The following LRRC3C variants were observed in gnomAD, a reference collection of about 807,000 sequenced individuals.
The protein encoded by LRRC3C is leucine-rich repeat-containing protein 3C.
LRRC3C carries 11 observed loss-of-function variants against 14.8 expected under a neutral mutation model. The observed-to-expected ratio is 0.74, with a 90% CI of 0.47 to 1.23. LRRC3C has a LOEUF of 1.23. Among genes scored for constraint, LRRC3C ranks in the 50% most tolerant of loss-of-function variants. The pLI is 0.00. For synonymous variants in LRRC3C, 149 were observed against 161.5 expected, an observed-to-expected ratio of 0.92 and a Z score of 0.59; for missense variants, 354 against 361.8, an observed-to-expected ratio of 0.98 and a Z score of 0.18.
intron 2 of LRRC3C, 28 bp from the exon 3 acceptor site, chr17:39,941,415 A>C (rs1454691925): frequency 2.7e-6 from 2 of 749,646 alleles, no homozygotes; most frequent in Non-Finnish European, 2.2e-6. Context: ...ACCCCCCCAC[A>C]CACACCCCAT....
chr17:39,928,797 T>C (rs796435439), intron 1 of LRRC3C, among the ~76,000 whole-genome samples: 7 of 152,334 alleles, frequency 4.6e-5, no homozygotes, highest in African/African-American at 1.7e-4. Flanking sequence ...TTACTCGGAC[T>C]ACACCTACCT....
chr17:39,939,381 A>G (rs1255318998), intron 2 of LRRC3C: 43 of 985,340 alleles, frequency 4.4e-5, no homozygotes, highest in Non-Finnish European at 5.2e-5. Context: ...ACATCAAAGC[A>G]TTGTGGAGAC....
intron 1 of LRRC3C, among the ~76,000 whole-genome samples, chr17:39,931,421 G>A (rs1253795925): frequency 1.4e-5 from 2 of 147,390 alleles, no homozygotes; most frequent in Non-Finnish European, 3.0e-5. Flanking sequence ...ACTCCACCCC[G>A]GGTGACAGAG....
rs1979002988 is a variant in LRRC3C at position 39,943,934 on chromosome 17, TC to T, written c.30del (p.Tyr11ThrfsTer25). On this transcript the variant is annotated frameshift_variant and splice_region_variant, in exon 4 of 4. Transcript: ENST00000377924. LOFTEE classifies it high-confidence loss of function. MRMTSSSFV[S>X]YCTPGLCQFM... ...TTTATGTGGCCTTTCCTTCCCCAGA[TC>T]CTACTGCACTCCAGGACTATGCCAA... 1 of 1,535,852 alleles carries T rather than the reference TC, an allele frequency of 6.5e-7. No homozygotes were observed. Among genetic ancestry groups the T allele is most frequent in the African/African-American group, 1.4e-5 (1 of 72,986 alleles).
rs1979028498 is a variant in LRRC3C, at chr17:39,944,445, G to C, written c.539G>C (p.Gly180Ala). The change falls in exon 4 of 4, where the codon GGC becomes GCC. Residue 180 changes from glycine (G) to alanine (A), a missense_variant. Gly to Ala is a moderately conservative substitution (Grantham distance 60). Coordinates refer to ENST00000377924, the MANE Select transcript of LRRC3C (RefSeq NM_001195545.2). The part of the protein sequence containing the change: ...EVLRQVRLVP[G>A]TGTGIVCGSG... Reference sequence around the variant, plus strand: ...CTCCGGCAGGTGAGGCTGGTGCCGGGCACTGGGACAGGCATCGTGTGTGGC... The same window carrying C: ...CTCCGGCAGGTGAGGCTGGTGCCGGCCACTGGGACAGGCATCGTGTGTGGC... 6.7e-7 allele frequency: 1 copy of C among 1,488,228 alleles called. No individual in the cohort carries two copies. Among genetic ancestry groups the C allele is most frequent in the Non-Finnish European group, 8.9e-7 (1 of 1,121,070 alleles). The allele number at this position is 1,488,228 out of a possible 1,614,324, so 92.2% of individuals were successfully genotyped here.
At chr17:39,943,884 T>G (rs1979000954) in intron 3 of LRRC3C, 49 bp from the exon 4 acceptor site, 1 of 1,520,532 alleles carries the variant, frequency 6.6e-7, no homozygotes, top group Non-Finnish European at 8.8e-7. Flanking sequence ...CAGTGGGGCA[T>G]GCGATTCTCT....
chr17:39,936,368 T>C (rs1167593339), intron 2 of LRRC3C, among the ~76,000 whole-genome samples: 2 of 152,222 alleles, frequency 1.3e-5, no homozygotes, highest in Non-Finnish European at 2.9e-5. Context: ...TCCCCGGTGA[T>C]GGCTTTTCCA....
intron 1 of LRRC3C, chr17:39,929,059 A>G (rs1978571892): frequency 6.6e-6 from 1 of 152,210 alleles, no homozygotes; most frequent in Admixed American, 6.5e-5. Flanking sequence ...CTTTCCTTAT[A>G]GTCATCTTTC....
intron 1 of LRRC3C, among the ~76,000 whole-genome samples, chr17:39,935,073 C>T (rs144512639): frequency 5.0e-4 from 76 of 152,234 alleles, no homozygotes; most frequent in East Asian, 4.8e-3. Context: ...GTATTTTATG[C>T]CGACCTCCTA....
At chr17:39,930,077 G>A (rs568732114) in intron 1 of LRRC3C, among the ~76,000 whole-genome samples, 4 of 151,844 alleles carry the variant, frequency 2.6e-5, no homozygotes, top group African/African-American at 4.8e-5. Context: ...CCAGGAGTTC[G>A]AGACCAACCT....
intron 3 of LRRC3C, among the ~76,000 whole-genome samples, chr17:39,943,425 G>A (rs953712859): frequency 3.3e-5 from 5 of 152,132 alleles, no homozygotes; most frequent in Non-Finnish European, 5.9e-5. Context: ...CATAGAAGGT[G>A]GGGCCAGAGG....
chr17:39,932,466 A>ATT (rs1978674533), intron 1 of LRRC3C, among the ~76,000 whole-genome samples: 1 of 149,824 alleles, frequency 6.7e-6, no homozygotes, highest in African/African-American at 2.5e-5. Context: ...CACTTTGGGA[A>ATT]GCTGAGGCGG....
chr17:39,943,831 C>T, intron 3 of LRRC3C, 102 bp from the exon 4 acceptor site: 1 of 1,160,898 alleles, frequency 8.6e-7, no homozygotes, highest in Non-Finnish European at 1.2e-6. Context: ...GAGGCCCCAG[C>T]CCAAAAAGAC....
chr17:39,943,971 T>C lies in LRRC3C; in HGVS notation c.65T>C (p.Met22Thr). Residue 22 changes from methionine to threonine, a missense_variant, in exon 4 of 4, where the codon ATG becomes ACG. Physicochemically the swap from Met to Thr is moderately conservative, Grantham distance 81. Coordinates refer to ENST00000377924, the MANE Select transcript of LRRC3C (RefSeq NM_001195545.2). ...CTPGLCQFMA[M>T]LPTAGHLLPL... is the part of the protein sequence containing the mutation. ...CCAGGACTATGCCAATTTATGGCCA[T>C]GCTCCCAACAGCAGGTCACCTCCTG... 6.5e-7 allele frequency: 1 copy of C among 1,536,120 alleles called. No individual in the cohort carries two copies. Among genetic ancestry groups the C allele is most frequent in the African/African-American group, 1.4e-5 (1 of 73,156 alleles).
intron 1 of LRRC3C, 172 bp downstream of exon 1, chr17:39,927,986 C>A: frequency 1.8e-6 from 1 of 542,096 alleles, no homozygotes; most frequent in Non-Finnish European, 2.4e-6. Context: ...GATTTTTCCA[C>A]TGCACCTGGC....
rs371243023 is a variant in LRRC3C at position 39,930,692 on chromosome 17, G to C, written c.-175+2878G>C. Among the ~76,000 whole-genome samples, 111 of 108,556 alleles carry C rather than the reference G, an allele frequency of 1.0e-3. 3 individuals are homozygous for C. In the South Asian group the frequency reaches 0.034, roughly 33 times the overall value. The allele number at this position is 108,556 out of a possible 152,430, so 71.2% of individuals were successfully genotyped here. ...CATTGGCACTCCAGCCTGGGTGACT[G>C]AGCAAGGCTCTGTCTCAAAAAAAAA... On this transcript the variant is annotated intron_variant, in intron 1 of 3. Coordinates refer to ENST00000377924, the MANE Select transcript of LRRC3C (RefSeq NM_001195545.2).
At chr17:39,943,641 C>T (rs571075073) in intron 3 of LRRC3C, among the ~76,000 whole-genome samples, 1 of 152,290 alleles carries the variant, frequency 6.6e-6, no homozygotes, top group Non-Finnish European at 1.5e-5. Flanking sequence ...TAGAAACCCC[C>T]AGACCCAGAA....
At chr17:39,932,287 A>T (rs1978669916) in intron 1 of LRRC3C, among the ~76,000 whole-genome samples, 2 of 152,320 alleles carry the variant, frequency 1.3e-5, no homozygotes, top group South Asian at 4.1e-4. Context: ...GAAATGAAAC[A>T]CTCAAAACAA....
chr17:39,934,129 GGAGA>G (rs1005118527), intron 1 of LRRC3C, among the ~76,000 whole-genome samples: 2 of 152,190 alleles, frequency 1.3e-5, no homozygotes, highest in Non-Finnish European at 2.9e-5. Context: ...TTTGGGCTGT[GGAGA>G]GAAAGGGCTG....
Sources: allele counts gnomAD v4.1 joint callset (sites outside exome capture counted in the v4.1 genomes callset), GRCh38; gene constraint gnomAD v4.1.1; transcripts MANE v1.5; gene names NCBI Gene and HGNC (gene_info 2026-07-23, HGNC 2026-07-21).